CTNNA2: variants seen among roughly 807,000 people sequenced by gnomAD.
CTNNA2 encodes the protein catenin alpha 2, also known as catenin alpha-2.
CTNNA2 carries 42 observed loss-of-function variants against 101.0 expected under a neutral mutation model. The observed-to-expected ratio is 0.42, with a 90% confidence interval of 0.32 to 0.54. The LOEUF is 0.54. Ranked by LOEUF, CTNNA2 falls within the 20% of genes least tolerant of loss-of-function variation. CTNNA2 has a pLI of 0.14. For missense variants in CTNNA2, 871 were observed against 1,223.1 expected (o/e 0.71, Z 4.29); for synonymous variants, 450 against 456.4 (o/e 0.99, Z 0.18).
chr2:80,459,286 C>T (rs1002502599), intron 9 of CTNNA2, among the ~76,000 whole-genome samples: 3 of 152,132 alleles, frequency 2.0e-5, no homozygotes, highest in Admixed American at 2.0e-4. Flanking sequence ...AGAAAAGCTC[C>T]CTACGTGCTT....
intron 6 of CTNNA2, among the ~76,000 whole-genome samples, chr2:79,891,178 A>C (rs1023574513): frequency 2.0e-5 from 3 of 152,006 alleles, no homozygotes; most frequent in South Asian, 2.1e-4. Context: ...TGAGGGCCCA[A>C]ATGAATTTAT....
At chr2:79,956,793 G>C (rs1242842720) in intron 7 of CTNNA2, among the ~76,000 whole-genome samples, 1 of 144,306 alleles carries the variant, frequency 6.9e-6, no homozygotes, top group African/African-American at 2.6e-5. Flanking sequence ...GTCTTATCCA[G>C]AGAGTTTACA....
intron 9 of CTNNA2, among the ~76,000 whole-genome samples, chr2:80,420,087 T>G (rs1680403478): frequency 6.7e-6 from 1 of 149,804 alleles, no homozygotes; most frequent in African/African-American, 2.5e-5. Context: ...AAGAGATGTT[T>G]GAACTTTTGG....
intron 4 of CTNNA2, among the ~76,000 whole-genome samples, chr2:79,419,839 C>T (rs1678522640): frequency 6.6e-6 from 1 of 152,194 alleles, no homozygotes. Flanking sequence ...ACTGGAAGGA[C>T]ATGACCCCAC....
intron 7 of CTNNA2, among the ~76,000 whole-genome samples, chr2:80,071,997 G>T (rs187701561): frequency 7.2e-5 from 11 of 152,136 alleles, no homozygotes; most frequent in African/African-American, 2.7e-4. Context: ...CTTTGGCAAG[G>T]GGATCTTACA....
intron 2 of CTNNA2, chr2:79,281,420 C>T (rs568498766): frequency 6.6e-6 from 1 of 152,286 alleles, no homozygotes; most frequent in Non-Finnish European, 1.5e-5. Flanking sequence ...TCTGAGCTGA[C>T]CTATATACTC....
At chr2:79,608,017 T>C (rs989302219) in intron 1 of CTNNA2, among the ~76,000 whole-genome samples, 1 of 151,908 alleles carries the variant, frequency 6.6e-6, no homozygotes, top group Non-Finnish European at 1.5e-5. Flanking sequence ...AGTAAGTCTC[T>C]AGCCAGACTT....
At chr2:79,654,160 T>C (rs1681450008) in intron 2 of CTNNA2, among the ~76,000 whole-genome samples, 1 of 152,192 alleles carries the variant, frequency 6.6e-6, no homozygotes, top group Non-Finnish European at 1.5e-5. Context: ...TTTTGTATTA[T>C]GCTTCTCAAA....
chr2:79,892,774 C>G (rs911487514), intron 6 of CTNNA2, among the ~76,000 whole-genome samples: 1 of 152,192 alleles, frequency 6.6e-6, no homozygotes, highest in African/African-American at 2.4e-5. Context: ...TTGAGGCCAT[C>G]CAGTATCACT....
chr2:80,005,254 G>C (rs757409965), intron 7 of CTNNA2, among the ~76,000 whole-genome samples: 2 of 152,188 alleles, frequency 1.3e-5, no homozygotes, highest in Non-Finnish European at 2.9e-5. Context: ...AAGACATTCT[G>C]TGGAGGGGCA....
upstream of CTNNA2, among the ~76,000 whole-genome samples, chr2:79,509,335 A>G (rs1478667425): frequency 6.6e-6 from 1 of 152,142 alleles, no homozygotes; most frequent in Non-Finnish European, 1.5e-5. Flanking sequence ...ATCTTTATTC[A>G]TAATTGCCAA....
chr2:79,397,651 A>C (rs1678247490), intron 4 of CTNNA2, among the ~76,000 whole-genome samples: 1 of 151,912 alleles, frequency 6.6e-6, no homozygotes, highest in African/African-American at 2.4e-5. Context: ...CTGTTTGTTA[A>C]ATTTTTTCAT....
chr2:80,279,000 T>G (rs1186101310), intron 7 of CTNNA2, among the ~76,000 whole-genome samples: 1 of 151,520 alleles, frequency 6.6e-6, no homozygotes. Context: ...TGGATTATTC[T>G]ATTGGAGACT....
chr2:79,383,619 C>A (rs1473361515), intron 4 of CTNNA2, among the ~76,000 whole-genome samples: 1 of 152,162 alleles, frequency 6.6e-6, no homozygotes, highest in Non-Finnish European at 1.5e-5. Context: ...TGTTAAAAAA[C>A]CCATTCTCGA....
chr2:79,393,090 T>C (rs1343493651), intron 4 of CTNNA2, among the ~76,000 whole-genome samples: 1 of 152,162 alleles, frequency 6.6e-6, no homozygotes, highest in African/African-American at 2.4e-5. Context: ...AAGCCTCATC[T>C]TAAGCCAAAA....
At chr2:79,208,771 G>A (rs1287520378) in intron 2 of CTNNA2, among the ~76,000 whole-genome samples, 1 of 152,124 alleles carries the variant, frequency 6.6e-6, no homozygotes, top group African/African-American at 2.4e-5. Context: ...ATTTGCTATT[G>A]AAACCTAGGC....
chr2:79,854,024 T>A (rs2103924675), intron 3 of CTNNA2, among the ~76,000 whole-genome samples: 2 of 152,352 alleles, frequency 1.3e-5, no homozygotes, highest in South Asian at 4.1e-4. Context: ...CACATTTGAA[T>A]TGATCTTACC....
intron 12 of CTNNA2, among the ~76,000 whole-genome samples, chr2:80,556,547 C>T (rs1693052559): frequency 6.6e-6 from 1 of 152,068 alleles, no homozygotes; most frequent in African/African-American, 2.4e-5. Flanking sequence ...GGTATGGTTA[C>T]TTATGGGAGC....
chr2:79,308,522 T>C (rs535152598), intron 2 of CTNNA2, among the ~76,000 whole-genome samples: 1 of 152,316 alleles, frequency 6.6e-6, no homozygotes, highest in South Asian at 2.1e-4. Context: ...TTCCCATTTG[T>C]TTATTTTTGC....
Sources: gnomAD v4.1 joint callset for allele counts (sites outside exome capture counted in the v4.1 genomes callset) on GRCh38, gnomAD v4.1.1 for gene constraint, MANE v1.5 for transcripts, NCBI Gene and HGNC (gene_info 2026-07-23, HGNC 2026-07-21) for gene names.